ZNF600: variants seen among roughly 807,000 people sequenced by gnomAD.
ZNF600 encodes zinc finger protein 600, also known as zinc finger protein KR-ZNF1.
ZNF600 carries 4 observed loss-of-function variants against 7.3 expected under a neutral mutation model. The ratio of observed to expected loss-of-function variants is 0.55; its 90% CI spans 0.27 to 1.25. ZNF600 has a LOEUF of 1.25. ZNF600 is among the 50% of genes most tolerant of loss of function. The pLI, the probability that ZNF600 is intolerant of heterozygous loss-of-function variation, is 0.12. For synonymous variants in ZNF600, 290 were observed against 308.9 expected, an observed-to-expected ratio of 0.94 and a Z score of 0.64; for missense variants, 911 against 922.1, an observed-to-expected ratio of 0.99 and a Z score of 0.16.
chr19:52,768,878 T>G (rs1322701971), intron 3 of ZNF600, among the ~76,000 whole-genome samples: 6 of 152,126 alleles, frequency 3.9e-5, no homozygotes, highest in Admixed American at 3.9e-4. Context: ...TAATCATTAG[T>G]TGGTAGCAAT....
chr19:52,795,447 A>T, the ZNF600 span, among the ~76,000 whole-genome samples: 15,832 of 90,388 alleles, frequency 0.18, 1,506 homozygotes, highest in African/African-American at 0.33. Flanking sequence ...TGGTTAAAAA[A>T]ATATATATAT....
At chr19:52,769,270 C>T (rs1048868648) in intron 3 of ZNF600, among the ~76,000 whole-genome samples, 10 of 152,188 alleles carry the variant, frequency 6.6e-5, no homozygotes, top group African/African-American at 1.9e-4. Context: ...GAGGCCTAAC[C>T]GTCTCCCTGT....
At chr19:52,815,839 A>G in the ZNF600 span, among the ~76,000 whole-genome samples, 9,373 of 146,342 alleles carry the variant, frequency 0.064, 1,371 homozygotes, top group African/African-American at 0.14. Flanking sequence ...AAAATAAATA[A>G]CTATCGTGTA....
chr19:52,765,744 C>G lies in ZNF600; in HGVS notation c.2219G>C (p.Cys740Ser), dbSNP rs780462103. 2.5e-6 allele frequency: 4 copies of G among 1,613,890 alleles called. No homozygotes were observed. In the South Asian group the frequency reaches 4.4e-5, roughly 18 times the overall value. ...TGAATCACTCCCAAAAGTCTTGTCA[C>G]AAACCTTACATTTGTATGGTTTCTT... Residue 740 changes from cysteine to serine, a missense_variant, in exon 4 of 4, where the codon TGT becomes TCT. Physicochemically the swap from Cys to Ser is moderately radical, Grantham distance 112. Transcript: ENST00000648973.
upstream of ZNF600, among the ~76,000 whole-genome samples, chr19:52,788,988 C>G (rs1188759951): frequency 2.6e-5 from 4 of 152,202 alleles, no homozygotes; most frequent in Non-Finnish European, 5.9e-5. Flanking sequence ...CGCTTGGGGA[C>G]TTGTTCCCAC....
chr19:52,814,754 G>T, the ZNF600 span, among the ~76,000 whole-genome samples: 1 of 146,100 alleles, frequency 6.8e-6, no homozygotes, highest in Non-Finnish European at 1.5e-5. Flanking sequence ...GGACATGGTG[G>T]CACTCGCTTG....
chr19:52,815,794 C>T, the ZNF600 span, among the ~76,000 whole-genome samples: 3 of 146,128 alleles, frequency 2.1e-5, no homozygotes, highest in Non-Finnish European at 3.0e-5. Context: ...CACTGCACTC[C>T]AGCCTGGGCG....
the ZNF600 span, among the ~76,000 whole-genome samples, chr19:52,795,632 T>C: frequency 3.9e-5 from 6 of 152,126 alleles, no homozygotes; most frequent in Admixed American, 1.3e-4. Flanking sequence ...AGGTGCGCCA[T>C]CTCAGCTCAT....
the ZNF600 span, among the ~76,000 whole-genome samples, chr19:52,823,907 A>G: frequency 2.6e-5 from 4 of 151,916 alleles, no homozygotes; most frequent in Non-Finnish European, 5.9e-5. Context: ...TCCTATAAAT[A>G]CAAAAATTAG....
At chr19:52,795,213 A>G in the ZNF600 span, among the ~76,000 whole-genome samples, 10 of 152,310 alleles carry the variant, frequency 6.6e-5, no homozygotes, top group East Asian at 1.9e-3. Flanking sequence ...CTCACTATTT[A>G]GTCAGATGAC....
chr19:52,780,260 G>C (rs1162682444), intron 1 of ZNF600, among the ~76,000 whole-genome samples: 1 of 152,196 alleles, frequency 6.6e-6, no homozygotes, highest in East Asian at 1.9e-4. Context: ...ATCTCTGTAA[G>C]ATTTTCTGGT....
the ZNF600 span, chr19:52,800,265 T>G: frequency 1.9e-6 from 3 of 1,613,552 alleles, no homozygotes; most frequent in Non-Finnish European, 2.5e-6. Flanking sequence ...CTTGCCACAT[T>G]CATTACACAT....
chr19:52,788,921 T>G (rs1385545152), upstream of ZNF600, among the ~76,000 whole-genome samples: 7 of 152,172 alleles, frequency 4.6e-5, no homozygotes, highest in Non-Finnish European at 2.9e-5. Flanking sequence ...TGAAGCCAAG[T>G]TTGAGCTCCA....
Position 52,765,646 on chromosome 19 carries a change from T to C in ZNF600, c.2317A>G (p.Ser773Gly), listed in dbSNP as rs369298585. 28 of 1,613,900 alleles carry C rather than the reference T, an allele frequency of 1.7e-5. No individual in the cohort carries two copies. The highest frequency in any genetic ancestry group is 1.2e-4 in the Admixed American group (7 of 59,998). ...TGGTGAATAAGTGTTGACTGCTTGC[T>C]AAAGGCTTTGCCACACTCATTACAC... is the stretch of plus-strand genomic sequence containing the variant. Residue 773 changes from serine to glycine, a missense_variant, in exon 4 of 4, where the codon AGC (serine) becomes GGC (glycine). By Grantham distance (56) the Ser-to-Gly change is moderately conservative (BLOSUM62 0). Transcript: ENST00000648973.
At chr19:52,809,069 A>T in the ZNF600 span, among the ~76,000 whole-genome samples, 1 of 152,216 alleles carries the variant, frequency 6.6e-6, no homozygotes, top group Non-Finnish European at 1.5e-5. Context: ...GTTTTAAAAA[A>T]TATAAAAAGT....
At chr19:52,829,183 T>TTTTATTTTA in the ZNF600 span, among the ~76,000 whole-genome samples, 1 of 91,732 alleles carries the variant, frequency 1.1e-5, no homozygotes, top group African/African-American at 3.7e-5. Flanking sequence ...TTTTTTTCTT[T>TTTTATTTTA]TTTTATTTTA....
chr19:52,810,837 G>A, the ZNF600 span: 1 of 196,998 alleles, frequency 5.1e-6, no homozygotes, highest in Non-Finnish European at 8.8e-6. Flanking sequence ...TTTAAAAAAA[G>A]AGTCCCTCTC....
At chr19:52,816,875 C>T in the ZNF600 span, among the ~76,000 whole-genome samples, 44 of 113,972 alleles carry the variant, frequency 3.9e-4, 1 homozygote, top group Non-Finnish European at 7.1e-4. Context: ...AATAATAAAA[C>T]GTGGAATGAG....
At chr19:52,802,784 G>A in the ZNF600 span, among the ~76,000 whole-genome samples, 8 of 129,676 alleles carry the variant, frequency 6.2e-5, no homozygotes, top group Non-Finnish European at 8.1e-5. Context: ...TTTTTGCGAC[G>A]AAATCTTGCT....
Sources: allele counts gnomAD v4.1 joint callset (sites outside exome capture counted in the v4.1 genomes callset), GRCh38; gene constraint gnomAD v4.1.1; transcripts MANE v1.5; gene names NCBI Gene and HGNC (gene_info 2026-07-23, HGNC 2026-07-21).